ST6GAL1: variants seen among roughly 807,000 people sequenced by gnomAD.
ST6GAL1 encodes the protein beta-galactoside alpha-2,6-sialyltransferase 1.
Under a neutral mutation model 38.0 loss-of-function variants are expected in ST6GAL1, and 20 were observed. That is an observed-to-expected ratio of 0.53 (90% confidence interval 0.37 to 0.77). The LOEUF (loss-of-function observed/expected upper bound fraction) is 0.77, where lower values mean the gene tolerates loss of function less well. ST6GAL1 is among the 30% of genes least tolerant of loss of function. ST6GAL1 has a pLI of 0.00. For missense variants in ST6GAL1, 432 were observed against 496.4 expected (o/e 0.87, Z 1.23); for synonymous variants, 196 against 188.2 (o/e 1.04, Z -0.34).
chr3:187,073,062 A>G lies in ST6GAL1; in HGVS notation c.804+115A>G, dbSNP rs1353407813. The G allele has an allele frequency of 3.8e-6, 3 of 793,352 alleles. No individual in the cohort carries two copies. In the African/African-American group the frequency reaches 5.2e-5, roughly 14 times the overall value. 49.1% of individuals were successfully genotyped at this position (793,352 alleles called of 1,614,324 possible). A position where few individuals can be genotyped will look rare whatever the true frequency, so the allele number is the denominator to read the frequency against. On this transcript the variant is annotated intron_variant, in intron 6 of 7. Coordinates refer to ENST00000169298, the MANE Select transcript of ST6GAL1 (RefSeq NM_173216.2). ...CATTGGCTATTCCTAAAGGCTGGGT[A>G]TTTGAGTTTTAGGGTACCCCATTTC...
chr3:187,037,697 A>C (rs540622395), intron 2 of ST6GAL1, among the ~76,000 whole-genome samples: 2 of 151,612 alleles, frequency 1.3e-5, no homozygotes, highest in African/African-American at 4.8e-5. Flanking sequence ...TCCCTCCTCA[A>C]CCTCCTGAGT....
intron 1 of ST6GAL1, among the ~76,000 whole-genome samples, chr3:186,950,504 G>T (rs1579263818): frequency 6.6e-6 from 1 of 152,316 alleles, no homozygotes; most frequent in East Asian, 1.9e-4. Context: ...CTCCTCAGAG[G>T]GAGTGGGACA....
chr3:186,958,344 T>A (rs1714814043), intron 1 of ST6GAL1, among the ~76,000 whole-genome samples: 1 of 152,168 alleles, frequency 6.6e-6, no homozygotes, highest in African/African-American at 2.4e-5. Flanking sequence ...GCTATTAGTG[T>A]TGACTTAATA....
chr3:187,051,621 A>G (rs6803985), intron 5 of ST6GAL1: 16,559 of 388,392 alleles, frequency 0.043, 2,424 homozygotes, highest in African/African-American at 0.31. Context: ...CTGCAAGGTC[A>G]TACCTGGAGG....
At chr3:186,975,515 T>C (rs1185156946) in intron 2 of ST6GAL1, among the ~76,000 whole-genome samples, 1 of 152,106 alleles carries the variant, frequency 6.6e-6, no homozygotes, top group Admixed American at 6.5e-5. Context: ...GTCCCTGAGG[T>C]TCGTACCTGC....
intron 2 of ST6GAL1, among the ~76,000 whole-genome samples, chr3:186,967,647 TG>T (rs1715194139): frequency 6.6e-6 from 1 of 152,054 alleles, no homozygotes; most frequent in Non-Finnish European, 1.5e-5. Context: ...CACTGCTACG[TG>T]GAGGTGGTGC....
intron 2 of ST6GAL1, among the ~76,000 whole-genome samples, chr3:186,969,571 A>G (rs949272040): frequency 6.6e-5 from 10 of 152,198 alleles, no homozygotes; most frequent in Non-Finnish European, 1.0e-4. Context: ...TATTCTACAG[A>G]TAAGTCCTTT....
chr3:187,078,120 C>T lies in ST6GAL1; in HGVS notation c.*2317C>T, dbSNP rs1719623864. On this transcript the variant is annotated 3_prime_UTR_variant, in exon 8 of 8. Transcript: ENST00000169298. ...GGTGGCATTCCGACAGCAGGACATA[C>T]ATGTTGGTGTGAAGACTGGGACGAC... 1 of 152,534 alleles carries T rather than the reference C, an allele frequency of 6.6e-6. No homozygotes were observed. The highest frequency in any genetic ancestry group is 1.5e-5 in the Non-Finnish European group (1 of 68,034). The allele number at this position is 152,534 out of a possible 1,614,324, so 9.4% of individuals were successfully genotyped here. A position where few individuals can be genotyped will look rare whatever the true frequency, so the allele number is the denominator to read the frequency against.
intron 2 of ST6GAL1, among the ~76,000 whole-genome samples, chr3:186,992,105 G>T (rs1202798251): frequency 2.0e-5 from 3 of 152,138 alleles, no homozygotes; most frequent in Non-Finnish European, 4.4e-5. Flanking sequence ...AATTCTAAAT[G>T]TAGTACATGA....
chr3:187,068,128 G>C (rs984942630), intron 5 of ST6GAL1, among the ~76,000 whole-genome samples: 3 of 152,006 alleles, frequency 2.0e-5, no homozygotes, highest in Non-Finnish European at 4.4e-5. Flanking sequence ...GGATCACGAG[G>C]TCAGGAGATC....
intron 4 of ST6GAL1, among the ~76,000 whole-genome samples, chr3:187,047,772 A>C (rs1471680596): frequency 6.6e-6 from 1 of 152,112 alleles, no homozygotes; most frequent in South Asian, 2.1e-4. Flanking sequence ...TAAGTACCCA[A>C]GTCAGTTTAA....
chr3:186,959,435 A>T (rs9851238), intron 1 of ST6GAL1, among the ~76,000 whole-genome samples: 2,251 of 152,276 alleles, frequency 0.015, 23 homozygotes, highest in Non-Finnish European at 0.025. Context: ...AATGGAGAAG[A>T]CACTCCTCGC....
Position 187,074,246 on chromosome 3 carries a change from C to T in ST6GAL1, c.892C>T (p.Pro298Ser), listed in dbSNP as rs768908134. Residue 298 changes from proline to serine, a missense_variant, in exon 7 of 8, where the codon CCC becomes TCC. Pro to Ser is a moderately conservative substitution (Grantham distance 74, BLOSUM62 -1). Transcript: ENST00000169298. Reference sequence around the variant, plus strand: ...CAATCAGCCCTTTTACATCCTCAAGCCCCAGATGCCTTGGGAGCTATGGGA... The same window carrying T: ...CAATCAGCCCTTTTACATCCTCAAGTCCCAGATGCCTTGGGAGCTATGGGA... ...HPNQPFYILK[P>S]QMPWELWDIL... 3.9e-5 allele frequency: 63 copies of T among 1,612,640 alleles called. No individual in the cohort carries two copies. The Middle Eastern group carries it at 9.9e-4, about 25-fold the overall frequency.
chr3:187,074,712 A>C (rs976063639), intron 7 of ST6GAL1, among the ~76,000 whole-genome samples: 1 of 151,852 alleles, frequency 6.6e-6, no homozygotes, highest in Non-Finnish European at 1.5e-5. Flanking sequence ...AGATGGAGGG[A>C]AGGGAAGCTA....
chr3:186,984,743 C>CCTTCCTCCCTTCCTTCCTTCCTTCT (rs1553821490), intron 2 of ST6GAL1, among the ~76,000 whole-genome samples: 5,750 of 27,088 alleles, frequency 0.21, 756 homozygotes, highest in Middle Eastern at 0.26. Flanking sequence ...TCCTTCCTTC[C>CCTTCCTCCCTTCCTTCCTTCCTTCT]CTCCCTCCCT....
chr3:186,965,324 C>A (rs1715069133), intron 2 of ST6GAL1, among the ~76,000 whole-genome samples: 1 of 152,198 alleles, frequency 6.6e-6, no homozygotes, highest in East Asian at 1.9e-4. Context: ...TGGGGGACTT[C>A]CTGCCAAATG....
intron 2 of ST6GAL1, among the ~76,000 whole-genome samples, chr3:187,022,986 C>T (rs2108566573): frequency 6.6e-6 from 1 of 152,250 alleles, no homozygotes. Flanking sequence ...GTCTTATAAT[C>T]TCTATTTTAC....
intron 1 of ST6GAL1, among the ~76,000 whole-genome samples, chr3:186,961,038 G>A (rs1714919342): frequency 6.7e-6 from 1 of 150,354 alleles, no homozygotes; most frequent in South Asian, 2.1e-4. Flanking sequence ...GATTGATCTC[G>A]GCTCACTGCA....
chr3:186,998,833 C>T (rs183281843), intron 2 of ST6GAL1, among the ~76,000 whole-genome samples: 22 of 152,208 alleles, frequency 1.4e-4, no homozygotes, highest in Non-Finnish European at 1.3e-4. Context: ...GTGGCTGTTG[C>T]ATTGTGGAGC....
Sources: allele counts gnomAD v4.1 joint callset (sites outside exome capture counted in the v4.1 genomes callset), GRCh38; gene constraint gnomAD v4.1.1; transcripts MANE v1.5; gene names NCBI Gene and HGNC (gene_info 2026-07-23, HGNC 2026-07-21).